Variants in ABLIM1 observed in about 807,000 individuals in gnomAD.
ABLIM1 encodes actin-binding LIM protein 1.
Under a neutral mutation model 107.0 loss-of-function variants are expected in ABLIM1, and 40 were observed. That is an observed-to-expected ratio of 0.37 (90% CI 0.29 to 0.49). The LOEUF (loss-of-function observed/expected upper bound fraction) is 0.49, where lower values mean the gene tolerates loss of function less well. Among genes scored for constraint, ABLIM1 ranks in the 20% least tolerant of loss-of-function variants. The pLI, the probability that ABLIM1 is intolerant of heterozygous loss-of-function variation, is 0.97. For synonymous variants in ABLIM1, 357 were observed against 357.3 expected (o/e 1.00, Z 0.01); for missense variants, 857 against 1,008.5 (o/e 0.85, Z 2.04).
At chr10:114,751,811 G>T (rs1417524025) in intron 1 of ABLIM1, among the ~76,000 whole-genome samples, 1 of 151,864 alleles carries the variant, frequency 6.6e-6, no homozygotes, top group East Asian at 1.9e-4. Context: ...GCACAGGGGG[G>T]AAATGGAAAG....
chr10:114,590,992 T>G (rs1313813201), intron 2 of ABLIM1, among the ~76,000 whole-genome samples: 1 of 152,198 alleles, frequency 6.6e-6, no homozygotes, highest in African/African-American at 2.4e-5. Flanking sequence ...AAGAAAATCA[T>G]GGCCAACATA....
upstream of ABLIM1, among the ~76,000 whole-genome samples, chr10:114,687,403 A>C (rs2080966708): frequency 6.6e-6 from 1 of 152,230 alleles, no homozygotes. Flanking sequence ...CCAAAAATTT[A>C]GGGACTTGCC....
chr10:114,732,371 G>A (rs1279770421), intron 1 of ABLIM1, among the ~76,000 whole-genome samples: 3 of 151,746 alleles, frequency 2.0e-5, no homozygotes, highest in Non-Finnish European at 4.4e-5. Flanking sequence ...ATGTCTCTTT[G>A]TAGAAAGGTC....
At chr10:114,605,623 A>C (rs2076357137) in intron 1 of ABLIM1, among the ~76,000 whole-genome samples, 1 of 152,180 alleles carries the variant, frequency 6.6e-6, no homozygotes, top group African/African-American at 2.4e-5. Context: ...TCCATGGCTC[A>C]TCAATTTTGT....
intron 1 of ABLIM1, among the ~76,000 whole-genome samples, chr10:114,717,991 A>AAAGAAAGGAAGG (rs570354803): frequency 6.9e-5 from 6 of 86,858 alleles, no homozygotes; most frequent in African/African-American, 1.9e-4. Flanking sequence ...AGAAAGAAAG[A>AAAGAAAGGAAGG]AAGGAAGGAA....
the ABLIM1 span, among the ~76,000 whole-genome samples, chr10:114,800,179 A>G: frequency 1.5e-4 from 23 of 152,274 alleles, no homozygotes; most frequent in Non-Finnish European, 2.8e-4. Context: ...CTATGCCCTT[A>G]CCTGATGGTA....
chr10:114,614,021 T>C (rs1296413114), intron 1 of ABLIM1, among the ~76,000 whole-genome samples: 1 of 151,972 alleles, frequency 6.6e-6, no homozygotes, highest in Non-Finnish European at 1.5e-5. Flanking sequence ...CTCCCAAAGT[T>C]TAACAAAGCA....
chr10:114,503,413 C>T (rs2475231), intron 6 of ABLIM1, among the ~76,000 whole-genome samples: 73,626 of 151,772 alleles, frequency 0.49, 18,029 homozygotes, highest in East Asian at 0.59. Context: ...ATCATGCCAC[C>T]GCCCTCCAGC....
At chr10:114,530,005 T>A (rs1291301487) in intron 6 of ABLIM1, among the ~76,000 whole-genome samples, 10 of 152,174 alleles carry the variant, frequency 6.6e-5, no homozygotes, top group African/African-American at 2.4e-4. Flanking sequence ...CCATTGTGGA[T>A]GCCAAGAGTG....
intron 1 of ABLIM1, among the ~76,000 whole-genome samples, chr10:114,674,189 C>T (rs2141438676): frequency 6.6e-6 from 1 of 151,110 alleles, no homozygotes; most frequent in East Asian, 2.0e-4. Context: ...ACTCAGGAGG[C>T]TGAGGCACCA....
At chr10:114,506,804 C>T (rs1256979635) in intron 6 of ABLIM1, among the ~76,000 whole-genome samples, 4 of 152,084 alleles carry the variant, frequency 2.6e-5, no homozygotes, top group Non-Finnish European at 4.4e-5. Flanking sequence ...TTTACTCTGT[C>T]GATAGTTTCT....
At chr10:114,737,613 A>G (rs75632321) in intron 1 of ABLIM1, among the ~76,000 whole-genome samples, 3,055 of 152,308 alleles carry the variant, frequency 0.02, 47 homozygotes, top group Middle Eastern at 0.031. Context: ...AGGTACAAAT[A>G]TCACTAAATT....
rs535160415 is a variant in ABLIM1, at chr10:114,727,835, T to G, written c.-213+40226A>C. Among the ~76,000 whole-genome samples the G allele has an allele frequency of 3.9e-5, 6 of 152,132 alleles. No individual in the cohort carries two copies. In the South Asian group the frequency reaches 1.2e-3, roughly 32 times the overall value. ...CCAGGCATGGTGGCTCATGCCTGTA[T>G]TCCTAGCTACCCGGGAAGTCAAGGC... is the stretch of plus-strand genomic sequence containing the variant. On this transcript the variant is annotated intron_variant, in intron 1 of 15. Transcript: ENST00000651092.
Position 114,469,051 on chromosome 10 carries a change from C to CAA in ABLIM1, c.1276-837_1276-836dup, listed in dbSNP as rs71473043. ...TGGGAGACAGAGCGAGACTCTGTCT[C>CAA]AAAAAAAAAAAAAAAAAAAAAAGAA... On this transcript the variant is annotated intron_variant, in intron 10 of 22. Transcript: ENST00000533213. 7.2e-3 allele frequency among the ~76,000 whole-genome samples: 541 copies of CAA among 74,838 alleles called. 3 individuals carry two copies. The highest frequency in any genetic ancestry group is 0.013 in the African/African-American group (231 of 18,396). 49.1% of individuals were successfully genotyped at this position (74,838 alleles called of 152,430 possible).
the ABLIM1 span, among the ~76,000 whole-genome samples, chr10:114,800,811 AGACAGGAGAATTGC>A: frequency 6.6e-6 from 1 of 152,226 alleles, no homozygotes; most frequent in Admixed American, 6.5e-5. Flanking sequence ...TGGAAGGCTA[AGACAGGAGAATTGC>A]TTGAACCAGA....
At chr10:114,656,537 G>T (rs1176083969) in intron 1 of ABLIM1, among the ~76,000 whole-genome samples, 2 of 152,038 alleles carry the variant, frequency 1.3e-5, no homozygotes, top group Non-Finnish European at 2.9e-5. Flanking sequence ...ACACACGCGT[G>T]TGTGAGGTGA....
At chr10:114,463,032 C>A (rs1429475053) in intron 12 of ABLIM1, 1 of 1,327,164 alleles carries the variant, frequency 7.5e-7, no homozygotes, top group Non-Finnish European at 1.0e-6. Context: ...CCTGGAGAAA[C>A]CTGCCTCCTT....
intron 1 of ABLIM1, among the ~76,000 whole-genome samples, chr10:114,630,135 G>A (rs958839118): frequency 4.9e-4 from 75 of 152,154 alleles, no homozygotes; most frequent in African/African-American, 1.7e-3. Context: ...GCTATGTGAG[G>A]ACTACTGATC....
At chr10:114,518,568 T>C (rs1239481404) in intron 6 of ABLIM1, among the ~76,000 whole-genome samples, 1 of 151,992 alleles carries the variant, frequency 6.6e-6, no homozygotes, top group Non-Finnish European at 1.5e-5. Flanking sequence ...ATACCAAGAT[T>C]GGCAGCCCAT....
Sources: gnomAD v4.1 joint callset for allele counts (sites outside exome capture counted in the v4.1 genomes callset) on GRCh38, gnomAD v4.1.1 for gene constraint, MANE v1.5 for transcripts, NCBI Gene and HGNC (gene_info 2026-07-23, HGNC 2026-07-21) for gene names.